Variants in RFX4 observed in about 807,000 individuals in gnomAD.
RFX4 encodes the protein transcription factor RFX4.
In RFX4, 10 loss-of-function variants were observed where a neutral mutation model predicts 95.0. The ratio of observed to expected loss-of-function variants is 0.11; its 90% CI spans 0.06 to 0.18. The LOEUF (loss-of-function observed/expected upper bound fraction) is 0.18, where lower values mean the gene tolerates loss of function less well. RFX4 is among the 10% of genes least tolerant of loss of function. The probability of loss-of-function intolerance (pLI) is 1.00; values close to 1 mark genes in which losing one functional copy is unlikely to be tolerated. For synonymous variants in RFX4, 321 were observed against 340.7 expected, an observed-to-expected ratio of 0.94 and a Z score of 0.64; for missense variants, 640 against 922.0, an observed-to-expected ratio of 0.69 and a Z score of 3.96.
At chr12:106,682,373 CAGGTTA>C in intron 5 of RFX4, 2 of 390,616 alleles carry the variant, frequency 5.1e-6, no homozygotes, top group South Asian at 7.5e-5. Flanking sequence ...GGAGGATCAC[CAGGTTA>C]TCTGGACTGT....
intron 3 of RFX4, among the ~76,000 whole-genome samples, chr12:106,643,912 A>C (rs1040069126): frequency 2.0e-5 from 3 of 152,202 alleles, no homozygotes; most frequent in African/African-American, 7.2e-5. Context: ...ATGTGTGTGC[A>C]TGTGTGCACT....
At chr12:106,761,014 A>G (rs1461977902) in intron 17 of RFX4, among the ~76,000 whole-genome samples, 183 bp from the exon 18 acceptor site, 3 of 152,090 alleles carry the variant, frequency 2.0e-5, no homozygotes, top group Non-Finnish European at 4.4e-5. Context: ...AATCTTTTGC[A>G]TTTCTCCTGT....
intron 15 of RFX4, among the ~76,000 whole-genome samples, chr12:106,742,015 C>T (rs990962360): frequency 1.3e-5 from 2 of 152,160 alleles, no homozygotes; most frequent in Non-Finnish European, 2.9e-5. Context: ...CGGCCCAGTT[C>T]CTAACAGGCC....
chr12:106,653,562 C>G (rs2040896701), intron 3 of RFX4, among the ~76,000 whole-genome samples: 1 of 152,208 alleles, frequency 6.6e-6, no homozygotes, highest in South Asian at 2.1e-4. Context: ...TGTAGAAAAT[C>G]TCTCCTACAG....
At chr12:106,648,709 T>C (rs1299082550) in intron 3 of RFX4, among the ~76,000 whole-genome samples, 1 of 151,332 alleles carries the variant, frequency 6.6e-6, no homozygotes, top group African/African-American at 2.4e-5. Context: ...AGTGGGCACT[T>C]TGAACTGACG....
At chr12:106,735,641 G>A (rs10861655) in intron 15 of RFX4, among the ~76,000 whole-genome samples, 55,230 of 151,932 alleles carry the variant, frequency 0.36, 10,114 homozygotes, top group South Asian at 0.4. Flanking sequence ...TGCATTGAAA[G>A]CTTTGGATCT....
intron 3 of RFX4, among the ~76,000 whole-genome samples, chr12:106,652,697 T>C (rs915806063): frequency 2.0e-5 from 3 of 152,210 alleles, no homozygotes; most frequent in African/African-American, 7.2e-5. Flanking sequence ...TAGGGTTGTA[T>C]TCCCCCTCTG....
intron 17 of RFX4, among the ~76,000 whole-genome samples, chr12:106,752,892 C>A (rs948250136): frequency 2.0e-5 from 3 of 152,054 alleles, no homozygotes; most frequent in Non-Finnish European, 2.9e-5. Context: ...GGCTCTGATC[C>A]GACTGGTGGC....
chr12:106,750,632 T>A lies in RFX4; in HGVS notation c.1797-23T>A, dbSNP rs767382200. ...CTGTTCTTGCTATTACTCACACTAT[T>A]CAATGTGCTTGATGCATTTTAGATA... is the stretch of plus-strand genomic sequence containing the variant. On this transcript the variant is annotated intron_variant, in intron 16 of 17. Transcript: ENST00000392842. 4 of 1,573,082 alleles carry A rather than the reference T, an allele frequency of 2.5e-6. No individual in the cohort carries two copies. In the East Asian group the frequency reaches 7.0e-5, roughly 28 times the overall value.
intron 15 of RFX4, among the ~76,000 whole-genome samples, chr12:106,742,432 C>A (rs1365447084): frequency 6.6e-6 from 1 of 152,214 alleles, no homozygotes; most frequent in Non-Finnish European, 1.5e-5. Flanking sequence ...ATCAGCCCAC[C>A]TCAGCCTCCC....
chr12:106,674,160 G>A (rs139926366), intron 4 of RFX4, among the ~76,000 whole-genome samples: 1 of 152,290 alleles, frequency 6.6e-6, no homozygotes, highest in East Asian at 1.9e-4. Context: ...TGAAACGAAT[G>A]AGACAAGCTC....
chr12:106,674,346 T>C (rs1302775635), intron 4 of RFX4, among the ~76,000 whole-genome samples: 3 of 151,144 alleles, frequency 2.0e-5, no homozygotes, highest in Admixed American at 6.6e-5. Context: ...TTTTTTTTTT[T>C]CCAAGACAGA....
intron 4 of RFX4, among the ~76,000 whole-genome samples, chr12:106,671,110 C>G (rs1487716225): frequency 3.9e-5 from 6 of 152,204 alleles, no homozygotes; most frequent in Non-Finnish European, 5.9e-5. Flanking sequence ...GTAAGACCCA[C>G]AACTCTCATT....
chr12:106,747,424 T>C lies in RFX4; in HGVS notation c.1634-13T>C, dbSNP rs2042916356. The stretch of plus-strand genomic sequence containing the variant: ...ACTGTTAATGATCAAGACGTCTTAA[T>C]TTGTCTCTGCAGGAGCAATGCAGTC... On this transcript the variant is annotated splice_polypyrimidine_tract_variant and intron_variant, in intron 15 of 17. Transcript: ENST00000392842. 4 of 1,611,082 alleles carry C rather than the reference T, an allele frequency of 2.5e-6. No individual in the cohort carries two copies. Among genetic ancestry groups the C allele is most frequent in the Admixed American group, 1.7e-5 (1 of 59,880 alleles).
At chr12:106,749,481 CT>C (rs1376677407) in intron 16 of RFX4, among the ~76,000 whole-genome samples, 1 of 151,986 alleles carries the variant, frequency 6.6e-6, no homozygotes, top group African/African-American at 2.4e-5. Flanking sequence ...TCAAGTGCCC[CT>C]GAGCAGTCAA....
chr12:106,697,781 CT>C (rs2041909848), intron 8 of RFX4, among the ~76,000 whole-genome samples: 1 of 151,998 alleles, frequency 6.6e-6, no homozygotes, highest in East Asian at 1.9e-4. Context: ...TTCCCCACCC[CT>C]GTCTTATTGC....
chr12:106,709,442 G>A lies in RFX4; in HGVS notation c.934+12G>A, dbSNP rs773642248. 1 of 1,594,810 alleles carries A rather than the reference G, an allele frequency of 6.3e-7. No individual in the cohort carries two copies. Reference sequence around the variant, plus strand: ...CATCAAGTTCGAATGTAAGTACTGAGTTGAGAGCGGGATGGAAGAGAGAAT... The same window carrying A: ...CATCAAGTTCGAATGTAAGTACTGAATTGAGAGCGGGATGGAAGAGAGAAT... On this transcript the variant is annotated intron_variant, in intron 9 of 17. Transcript: ENST00000392842.
rs532094229 is a variant in RFX4, at chr12:106,616,272, G to A, written c.130+7389G>A. Among the ~76,000 whole-genome samples the A allele has an allele frequency of 7.0e-4, 107 of 152,272 alleles. 1 individual carries two copies. The highest frequency in any genetic ancestry group is 2.5e-3 in the African/African-American group (102 of 41,564). ...CTGGGAATTACATCGGTTGAATTTT[G>A]AATGTTAAGCCAATCATGCATTCCT... On this transcript the variant is annotated intron_variant, in intron 2 of 17. Transcript: ENST00000392842.
chr12:106,600,388 C>T (rs990987147), intron 1 of RFX4, among the ~76,000 whole-genome samples: 8 of 152,108 alleles, frequency 5.3e-5, no homozygotes, highest in Non-Finnish European at 1.2e-4. Flanking sequence ...CCCAACCCCC[C>T]TTTTTTTCTC....
Sources: allele counts gnomAD v4.1 joint callset (sites outside exome capture counted in the v4.1 genomes callset), GRCh38; gene constraint gnomAD v4.1.1; transcripts MANE v1.5; gene names NCBI Gene and HGNC (gene_info 2026-07-23, HGNC 2026-07-21).